The following RMST variants were observed in gnomAD, a reference collection of about 807,000 sequenced individuals.
The protein encoded by RMST is rhabdomyosarcoma 2 associated transcript.
At chr12:97,561,540 A>G (rs1884101081) in intron 13 of RMST, among the ~76,000 whole-genome samples, 1 of 149,814 alleles carries the variant, frequency 6.7e-6, no homozygotes, top group African/African-American at 2.4e-5. Context: ...GGGAGGGGAT[A>G]TGAGTCAAGT....
At chr12:97,536,399 G>A (rs1414180570) in intron 11 of RMST, among the ~76,000 whole-genome samples, 2 of 151,394 alleles carry the variant, frequency 1.3e-5, no homozygotes, top group Admixed American at 1.3e-4. Context: ...TAGACCAGGT[G>A]GTTCCAAAAA....
chr12:97,555,418 C>G (rs1011062593), intron 11 of RMST, among the ~76,000 whole-genome samples: 2 of 152,166 alleles, frequency 1.3e-5, no homozygotes, highest in African/African-American at 4.8e-5. Flanking sequence ...AATATTCACA[C>G]TTGGATTAAA....
chr12:97,554,915 G>A lies in RMST; in HGVS notation n.1546-5622G>A. Reference sequence around the variant, plus strand: ...CTTCCAGGACATCTTCATGGGGCTGGCATGTGATATGAAAGCAGGCAGCTG... The same window carrying A: ...CTTCCAGGACATCTTCATGGGGCTGACATGTGATATGAAAGCAGGCAGCTG... On this transcript the variant is annotated intron_variant and non_coding_transcript_variant, in intron 11 of 13. Coordinates refer to ENST00000640149, the Ensembl canonical transcript of RMST. Among the ~76,000 whole-genome samples, 2 of 152,188 alleles carry A rather than the reference G, an allele frequency of 1.3e-5. 1 individual carries two copies. The highest frequency in any genetic ancestry group is 2.9e-5 in the Non-Finnish European group (2 of 68,036).
chr12:97,560,369 G>T (rs1336164497), intron 11 of RMST, among the ~76,000 whole-genome samples: 2 of 152,166 alleles, frequency 1.3e-5, no homozygotes, highest in Non-Finnish European at 2.9e-5. Flanking sequence ...AGCTTAAAAA[G>T]CAGCTGCGTT....
At chr12:97,530,768 G>T (rs1881548810) in exon 11 of RMST, 1 of 152,064 alleles carries the variant, frequency 6.6e-6, no homozygotes, top group African/African-American at 2.4e-5. Context: ...TTGTCACAGA[G>T]ATCACAAGGG....
At chr12:97,507,257 G>GTTTTTTT (rs1197266329) in intron 10 of RMST, among the ~76,000 whole-genome samples, 1 of 117,990 alleles carries the variant, frequency 8.5e-6, no homozygotes, top group African/African-American at 4.0e-5. Context: ...GGTTGTTATT[G>GTTTTTTT]TTTTTTTTTT....
chr12:97,473,009 A>T (rs548056826), intron 5 of RMST, among the ~76,000 whole-genome samples: 1 of 152,266 alleles, frequency 6.6e-6, no homozygotes, highest in East Asian at 1.9e-4. Context: ...TGGAGAGAAA[A>T]GAAAACCTTG....
intron 10 of RMST, among the ~76,000 whole-genome samples, chr12:97,513,494 A>T (rs115145786): frequency 5.9e-5 from 9 of 152,260 alleles, no homozygotes; most frequent in African/African-American, 1.9e-4. Flanking sequence ...GAAGATGGAG[A>T]GGGAGAGTCA....
intron 10 of RMST, among the ~76,000 whole-genome samples, chr12:97,523,813 C>T (rs935290555): frequency 1.2e-4 from 19 of 152,090 alleles, no homozygotes; most frequent in African/African-American, 4.3e-4. Context: ...CGCAGTGGCT[C>T]ATGCCTGCAA....
exon 14 of RMST, chr12:97,564,186 C>T (rs1020812009): frequency 3.1e-5 from 7 of 225,850 alleles, no homozygotes; most frequent in African/African-American, 1.4e-4. Context: ...GCCCACCAGT[C>T]GGGTAGGCAG....
At chr12:97,484,865 C>T (rs1875893512) in intron 5 of RMST, among the ~76,000 whole-genome samples, 1 of 152,146 alleles carries the variant, frequency 6.6e-6, no homozygotes. Flanking sequence ...ATCAATTAGT[C>T]AGCACAGAGC....
At chr12:97,557,350 G>A (rs1376484605) in intron 11 of RMST, among the ~76,000 whole-genome samples, 2 of 152,124 alleles carry the variant, frequency 1.3e-5, no homozygotes, top group Admixed American at 6.6e-5. Context: ...TCAGCTGTGT[G>A]TATGTCTGCA....
chr12:97,487,942 T>C (rs1017845767), intron 5 of RMST, among the ~76,000 whole-genome samples: 2 of 152,212 alleles, frequency 1.3e-5, no homozygotes, highest in Admixed American at 6.5e-5. Flanking sequence ...ATTTCTTCTC[T>C]AACACTTCAA....
chr12:97,557,075 T>G (rs1388293607), intron 11 of RMST, among the ~76,000 whole-genome samples: 6 of 152,202 alleles, frequency 3.9e-5, no homozygotes, highest in Admixed American at 2.6e-4. Flanking sequence ...AAAAATAAGC[T>G]GCTATTTCAT....
chr12:97,528,078 T>G (rs1328025284), intron 10 of RMST, among the ~76,000 whole-genome samples: 1 of 152,092 alleles, frequency 6.6e-6, no homozygotes, highest in African/African-American at 2.4e-5. Context: ...TTATTATTGT[T>G]GTTCCCATTT....
At position 97,523,170 on chromosome 12, in the gene RMST, C is replaced by T. The variant is rs80176217; in HGVS notation, n.1341-7485C>T. Among the ~76,000 whole-genome samples, 14 of 152,256 alleles carry T rather than the reference C, an allele frequency of 9.2e-5. No individual in the cohort carries two copies. The East Asian group carries it at 2.7e-3, about 29-fold the overall frequency. ...CACAGAAAAAGGATTTTGTTAATAC[C>T]TTATTTGGTTGTTGGGCCAAGAAGA... On this transcript the variant is annotated intron_variant and non_coding_transcript_variant, in intron 10 of 13. Coordinates refer to ENST00000640149, the Ensembl canonical transcript of RMST.
intron 10 of RMST, among the ~76,000 whole-genome samples, chr12:97,524,825 T>C (rs1256933026): frequency 1.3e-5 from 2 of 152,204 alleles, no homozygotes; most frequent in African/African-American, 4.8e-5. Flanking sequence ...AAGTTGTCAA[T>C]TGAAATTTGT....
intron 10 of RMST, chr12:97,496,174 T>A (rs1156324571): frequency 2.6e-5 from 4 of 152,138 alleles, no homozygotes; most frequent in Non-Finnish European, 5.9e-5. Context: ...ATGCCTGGGG[T>A]ATTTAATCAA....
intron 11 of RMST, chr12:97,533,267 A>G (rs1881816751): frequency 6.6e-6 from 1 of 151,960 alleles, no homozygotes; most frequent in South Asian, 2.1e-4. Flanking sequence ...GATGTCCTGA[A>G]GGGGTTAGGA....
Sources: allele counts gnomAD v4.1 joint callset (sites outside exome capture counted in the v4.1 genomes callset), GRCh38; gene constraint gnomAD v4.1.1; transcripts MANE v1.5; gene names NCBI Gene and HGNC (gene_info 2026-07-23, HGNC 2026-07-21).